Variants in ERC2 observed in about 807,000 individuals in gnomAD.
ERC2 encodes the protein ERC protein 2.
ERC2 carries 42 observed loss-of-function variants against 114.8 expected under a neutral mutation model. The observed-to-expected ratio is 0.37, with a 90% CI of 0.29 to 0.47. The LOEUF (loss-of-function observed/expected upper bound fraction) is 0.47, where lower values mean the gene tolerates loss of function less well. Among genes scored for constraint, ERC2 ranks in the 20% least tolerant of loss-of-function variants. The probability of loss-of-function intolerance (pLI) is 0.99; values close to 1 mark genes in which losing one functional copy is unlikely to be tolerated. For missense variants in ERC2, 939 were observed against 1,150.7 expected (o/e 0.82, Z 2.66); for synonymous variants, 454 against 425.5 (o/e 1.07, Z -0.82).
chr3:55,576,787 T>C (rs777626363), intron 17 of ERC2, among the ~76,000 whole-genome samples: 1 of 152,206 alleles, frequency 6.6e-6, no homozygotes, highest in African/African-American at 2.4e-5. Context: ...GACCCCACCA[T>C]GTCAGAAAAC....
chr3:56,228,099 G>A (rs558684774), intron 3 of ERC2, among the ~76,000 whole-genome samples: 11 of 152,284 alleles, frequency 7.2e-5, no homozygotes, highest in Admixed American at 7.2e-4. Context: ...CAATACTGAT[G>A]GGGAGGGGCA....
intron 17 of ERC2, among the ~76,000 whole-genome samples, chr3:55,569,455 A>G (rs980348806): frequency 4.6e-5 from 7 of 152,200 alleles, no homozygotes; most frequent in African/African-American, 1.7e-4. Context: ...TGGGGAGGAA[A>G]AAAATTTAAC....
At chr3:56,198,229 C>T (rs2048218013) in intron 3 of ERC2, among the ~76,000 whole-genome samples, 3 of 152,204 alleles carry the variant, frequency 2.0e-5, no homozygotes, top group African/African-American at 7.2e-5. Context: ...TCAGGTCTTG[C>T]TCCTCAGCTC....
At chr3:55,919,117 G>A (rs186809258) in intron 13 of ERC2, among the ~76,000 whole-genome samples, 8 of 152,282 alleles carry the variant, frequency 5.3e-5, no homozygotes, top group East Asian at 1.9e-4. Flanking sequence ...AGTGGTTCAC[G>A]CCTGTAATCC....
intron 14 of ERC2, among the ~76,000 whole-genome samples, chr3:55,836,832 A>T (rs1377309894): frequency 6.6e-6 from 1 of 152,208 alleles, no homozygotes; most frequent in Non-Finnish European, 1.5e-5. Context: ...ATAAAATGGG[A>T]GAAAATTTTC....
rs183124175 is a variant in ERC2 at position 55,625,506 on chromosome 3, C to T, written c.*39+58288G>A. 1.4e-4 allele frequency among the ~76,000 whole-genome samples: 21 copies of T among 151,578 alleles called. No homozygotes were observed. In the East Asian group the frequency reaches 3.9e-3, roughly 28 times the overall value. On this transcript the variant is annotated intron_variant, in intron 17 of 17. Coordinates refer to ENST00000288221, the MANE Select transcript of ERC2 (RefSeq NM_015576.3). ...GTAGCTCACGCCTGTAATCCCAGCA[C>T]TTTGGGAGGCCGAGGCTGATGGATC...
At chr3:56,016,427 C>CTTT (rs11430130) in intron 8 of ERC2, among the ~76,000 whole-genome samples, 1 of 141,240 alleles carries the variant, frequency 7.1e-6, no homozygotes, top group South Asian at 2.2e-4. Flanking sequence ...CTTTTTTTTT[C>CTTT]TTTTTTTTTT....
At chr3:55,560,204 C>T (rs72870452) in intron 17 of ERC2, among the ~76,000 whole-genome samples, 1,787 of 152,218 alleles carry the variant, frequency 0.012, 41 homozygotes, top group African/African-American at 0.041. Context: ...GGTCAGTGAA[C>T]AGGTGTGGCT....
Position 56,173,461 on chromosome 3 carries a change from A to C in ERC2, c.1134T>G (p.Thr378=). ...CAGTTCCTACCTTCATTTCGATGACAGTCTGGAGAGCCTTCGTCTTGGCTG... is the reference window on the plus strand; with the variant it reads ...CAGTTCCTACCTTCATTTCGATGACCGTCTGGAGAGCCTTCGTCTTGGCTG... The part of the protein sequence containing the change: ...PEPAKTKALQ[T]VIEMKDTKIA... The change falls in exon 4 of 18, where the codon ACT becomes ACG. Residue 378 remains threonine, a synonymous_variant. Coordinates refer to ENST00000288221, the MANE Select transcript of ERC2 (RefSeq NM_015576.3). 4 of 1,613,948 alleles carry C rather than the reference A, an allele frequency of 2.5e-6. No homozygotes were observed. Among genetic ancestry groups the C allele is most frequent in the Non-Finnish European group, 3.4e-6 (4 of 1,179,832 alleles).
intron 2 of ERC2, among the ~76,000 whole-genome samples, chr3:56,364,710 T>C (rs2059086034): frequency 6.6e-6 from 1 of 152,220 alleles, no homozygotes; most frequent in African/African-American, 2.4e-5. Flanking sequence ...GAAGAATAAT[T>C]GCCATTTTTA....
chr3:55,645,301 AC>A (rs1158360444), intron 17 of ERC2, among the ~76,000 whole-genome samples: 1 of 152,166 alleles, frequency 6.6e-6, no homozygotes, highest in Non-Finnish European at 1.5e-5. Context: ...GACCTCCTTT[AC>A]TTTCATCAGT....
At position 56,142,126 on chromosome 3, in the gene ERC2, C is replaced by T. The variant is rs114032455; in HGVS notation, c.1306-2450G>A. 1.4e-3 allele frequency among the ~76,000 whole-genome samples: 211 copies of T among 152,184 alleles called. 2 individuals are homozygous for T. The highest frequency in any genetic ancestry group is 4.7e-3 in the African/African-American group (197 of 41,528). On this transcript the variant is annotated intron_variant, in intron 5 of 17. Transcript: ENST00000288221. ...CTTTTAATGGCTGCAGGAATATTCA[C>T]GTTTCTATTTAGCTGAGTCAGTGTT...
At chr3:56,299,454 A>C (rs2055713741) in intron 2 of ERC2, among the ~76,000 whole-genome samples, 1 of 144,396 alleles carries the variant, frequency 6.9e-6, no homozygotes, top group South Asian at 2.2e-4. Flanking sequence ...TTTTTGAGAC[A>C]GAGTCTCACT....
chr3:55,795,214 T>C (rs1310392881), intron 14 of ERC2, among the ~76,000 whole-genome samples: 6 of 151,870 alleles, frequency 4.0e-5, no homozygotes, highest in Admixed American at 3.9e-4. Flanking sequence ...ATCCCCTGAG[T>C]TTTTAAACCA....
At chr3:56,190,008 G>A (rs1275353749) in intron 3 of ERC2, among the ~76,000 whole-genome samples, 2 of 152,138 alleles carry the variant, frequency 1.3e-5, no homozygotes, top group African/African-American at 2.4e-5. Context: ...TGTTCAAAAT[G>A]GTTCATCTTT....
chr3:55,676,302 C>A (rs1283526486), intron 17 of ERC2, among the ~76,000 whole-genome samples: 2 of 151,928 alleles, frequency 1.3e-5, no homozygotes, highest in Non-Finnish European at 2.9e-5. Context: ...AGGTGTAAGA[C>A]AATTGTCACA....
chr3:56,385,174 C>T (rs2059891084), intron 2 of ERC2, among the ~76,000 whole-genome samples: 1 of 152,052 alleles, frequency 6.6e-6, no homozygotes, highest in African/African-American at 2.4e-5. Context: ...AAATTTATTT[C>T]TTATAGTTCT....
chr3:56,302,601 C>A (rs2055955502), intron 2 of ERC2, among the ~76,000 whole-genome samples: 1 of 152,174 alleles, frequency 6.6e-6, no homozygotes, highest in South Asian at 2.1e-4. Context: ...ATTTCCTCCT[C>A]CAGAGGGGGT....
At chr3:55,695,072 GAGA>G (rs1402518718) in intron 16 of ERC2, among the ~76,000 whole-genome samples, 3 of 152,228 alleles carry the variant, frequency 2.0e-5, no homozygotes, top group Non-Finnish European at 4.4e-5. Context: ...TTTTAAGGCA[GAGA>G]AGGAGATGCT....
Sources: allele counts gnomAD v4.1 joint callset (sites outside exome capture counted in the v4.1 genomes callset), GRCh38; gene constraint gnomAD v4.1.1; transcripts MANE v1.5; gene names NCBI Gene and HGNC (gene_info 2026-07-23, HGNC 2026-07-21).